The following ART1 variants were observed in gnomAD, a reference collection of about 807,000 sequenced individuals.
The protein encoded by ART1 is GPI-linked NAD(P)(+)--arginine ADP-ribosyltransferase 1.
Under a neutral mutation model 27.0 loss-of-function variants are expected in ART1, and 29 were observed. The ratio of observed to expected loss-of-function variants is 1.08; its 90% confidence interval spans 0.80 to 1.47. The LOEUF is 1.47. ART1 is among the 40% of genes most tolerant of loss of function. ART1 has a pLI of 0.00. For missense variants in ART1, 480 were observed against 423.0 expected, an observed-to-expected ratio of 1.13 and a Z score of -1.18; for synonymous variants, 201 against 172.2, an observed-to-expected ratio of 1.17 and a Z score of -1.31.
At chr11:3,656,242 T>C (rs2077573584) in intron 1 of ART1, among the ~76,000 whole-genome samples, 1 of 152,024 alleles carries the variant, frequency 6.6e-6, no homozygotes, top group East Asian at 1.9e-4. Context: ...CCCAGGGAAG[T>C]GGGTTTTCAT....
intron 1 of ART1, among the ~76,000 whole-genome samples, chr11:3,646,688 A>C (rs1170237910): frequency 6.6e-6 from 1 of 151,960 alleles, no homozygotes; most frequent in Non-Finnish European, 1.5e-5. Context: ...TGGGGATCTC[A>C]TCTCTTCCCT....
intron 1 of ART1, among the ~76,000 whole-genome samples, chr11:3,654,876 C>T (rs1054304780): frequency 2.6e-5 from 4 of 152,218 alleles, no homozygotes; most frequent in Admixed American, 6.5e-5. Flanking sequence ...AGCCTCTCCT[C>T]CCCTCAAGCC....
At chr11:3,648,128 GAAC>G (rs754239265) in intron 1 of ART1, among the ~76,000 whole-genome samples, 4 of 152,014 alleles carry the variant, frequency 2.6e-5, no homozygotes, top group East Asian at 1.9e-4. Flanking sequence ...GCCTGCCAGA[GAAC>G]AACCCCCCTT....
At chr11:3,651,449 A>AAAC (rs548651117) in intron 1 of ART1, among the ~76,000 whole-genome samples, 117,010 of 137,644 alleles carry the variant, frequency 0.85, 50,768 homozygotes, top group Middle Eastern at 0.93. Flanking sequence ...ATCCCTTCCA[A>AAAC]AACAACTCCT....
Position 3,660,112 on chromosome 11 carries a change from G to A in ART1, c.593G>A (p.Gly198Glu). 6.2e-7 allele frequency: 1 copy of A among 1,613,864 alleles called. No individual in the cohort carries two copies. The highest frequency in any genetic ancestry group is 2.2e-5 in the East Asian group (1 of 44,866). ...GGGCCCCGGGCCACCGTGAGGCTGG[G>A]GGGCTTTGCTTCTGCCTCCCTGAAG... ...PAGPRATVRL[G>E]GFASASLKHV... The change falls in exon 3 of 5, where the codon GGG (glycine) becomes GAG (glutamate). Residue 198 changes from glycine to glutamate, a missense_variant. By Grantham distance (98) the Gly-to-Glu change is moderately conservative (BLOSUM62 -2). Transcript: ENST00000250693.
At chr11:3,650,495 G>A (rs546072865) in intron 1 of ART1, among the ~76,000 whole-genome samples, 29 of 152,268 alleles carry the variant, frequency 1.9e-4, no homozygotes, top group African/African-American at 4.3e-4. Context: ...AAGTAAGTCC[G>A]TCCCCTTCTT....
chr11:3,651,514 G>A (rs894038081), intron 1 of ART1, among the ~76,000 whole-genome samples: 1 of 142,888 alleles, frequency 7.0e-6, no homozygotes, highest in Non-Finnish European at 1.5e-5. Context: ...AGCCAGGACC[G>A]CATCCTATAG....
chr11:3,649,400 C>A (rs1308548781), intron 1 of ART1, among the ~76,000 whole-genome samples: 1 of 152,202 alleles, frequency 6.6e-6, no homozygotes, highest in Non-Finnish European at 1.5e-5. Context: ...GTCTGAGGTG[C>A]CTGACGTCAA....
In ART1 at chr11:3,659,851, G is replaced by T; in HGVS notation, c.332G>T (p.Arg111Leu). 6.2e-7 allele frequency: 1 copy of T among 1,612,460 alleles called. No homozygotes were observed. The highest frequency in any genetic ancestry group is 2.2e-5 in the East Asian group (1 of 44,866). ...CCATCCCCGCCACCCCTGGGCTTCC[G>T]CGATGAGCATGGGGTGGCCCTCCTG... Reference protein sequence around the residue: ...TRPSPPPLGFRDEHGVALLAY... With the variant: ...TRPSPPPLGFLDEHGVALLAY... Residue 111 changes from arginine to leucine, a missense_variant, in exon 3 of 5, where the codon CGC becomes CTC. Physicochemically the swap from Arg to Leu is moderately radical, Grantham distance 102 (BLOSUM62 -2). Transcript: ENST00000250693.
At position 3,664,329 on chromosome 11, in the gene ART1, C is replaced by A. The variant is rs775519157; in HGVS notation, c.*140C>A. ...GGACCTTCTCTGGTAGCTGCCAGAC[C>A]GGCTGGTGGAGAAACAGGAGACAAT... On this transcript the variant is annotated 3_prime_UTR_variant, in exon 5 of 5. Coordinates refer to ENST00000250693, the MANE Select transcript of ART1 (RefSeq NM_004314.3). 1.3e-6 allele frequency: 1 copy of A among 773,788 alleles called. No individual in the cohort carries two copies. Among genetic ancestry groups the A allele is most frequent in the Admixed American group, 2.3e-5 (1 of 43,496 alleles). 47.9% of individuals were successfully genotyped at this position (773,788 alleles called of 1,614,324 possible).
chr11:3,655,171 G>A (rs1203232741), intron 1 of ART1, among the ~76,000 whole-genome samples: 2 of 152,172 alleles, frequency 1.3e-5, no homozygotes, highest in African/African-American at 4.8e-5. Flanking sequence ...TGTTCCTCAC[G>A]TGTTCATTCT....
chr11:3,659,576 C>G lies in ART1; in HGVS notation c.64-7C>G, dbSNP rs1181882347. On this transcript the variant is annotated splice_region_variant and splice_polypyrimidine_tract_variant and intron_variant, in intron 2 of 4. Transcript: ENST00000250693. ...CCTCTCAGTCCCTGCTACTCCTGTC[C>G]CCTCAGGCCCAGAGCCACCCCATCA... 6.3e-6 allele frequency: 10 copies of G among 1,586,216 alleles called. No homozygotes were observed. Among genetic ancestry groups the G allele is most frequent in the Non-Finnish European group, 8.6e-6 (10 of 1,168,768 alleles).
At chr11:3,646,916 T>G (rs973944944) in intron 1 of ART1, among the ~76,000 whole-genome samples, 1 of 152,328 alleles carries the variant, frequency 6.6e-6, no homozygotes, top group Admixed American at 6.5e-5. Context: ...GGTATAACAT[T>G]GTGCCTATAG....
chr11:3,657,484 A>T (rs1374750186), intron 1 of ART1, among the ~76,000 whole-genome samples: 1 of 152,168 alleles, frequency 6.6e-6, no homozygotes, highest in African/African-American at 2.4e-5. Flanking sequence ...CTGAGGCAGG[A>T]GGATCGATTG....
intron 1 of ART1, among the ~76,000 whole-genome samples, chr11:3,652,841 T>C (rs934210647): frequency 6.6e-6 from 1 of 150,878 alleles, no homozygotes; most frequent in Admixed American, 6.6e-5. Flanking sequence ...AAATAAATAA[T>C]CTTTGCTGGC....
chr11:3,652,433 G>A (rs1242585828), intron 1 of ART1, among the ~76,000 whole-genome samples: 6,025 of 143,420 alleles, frequency 0.042, 336 homozygotes, highest in African/African-American at 0.12. Context: ...TCTGTCTTCA[G>A]GAAAAGTAGA....
chr11:3,652,145 A>C (rs1589918304), intron 1 of ART1, among the ~76,000 whole-genome samples: 1 of 150,490 alleles, frequency 6.6e-6, no homozygotes, highest in African/African-American at 2.5e-5. Context: ...GCCCCCACCC[A>C]GGACGGGCAA....
intron 1 of ART1, among the ~76,000 whole-genome samples, chr11:3,650,633 C>T (rs992346243): frequency 1.6e-4 from 24 of 152,146 alleles, no homozygotes; most frequent in African/African-American, 5.6e-4. Context: ...ACTCTAGTGC[C>T]AACTTAGACA....
At chr11:3,656,733 C>T (rs1444638529) in intron 1 of ART1, among the ~76,000 whole-genome samples, 1 of 152,100 alleles carries the variant, frequency 6.6e-6, no homozygotes, top group Non-Finnish European at 1.5e-5. Flanking sequence ...CTCAAGTAAT[C>T]CTCCCGCCTC....
Sources: allele counts gnomAD v4.1 joint callset (sites outside exome capture counted in the v4.1 genomes callset), GRCh38; gene constraint gnomAD v4.1.1; transcripts MANE v1.5; gene names NCBI Gene and HGNC (gene_info 2026-07-23, HGNC 2026-07-21).